The following TRMT5 variants were observed in gnomAD, a reference collection of about 807,000 sequenced individuals.
TRMT5 encodes tRNA methyltransferase 5.
Under a neutral mutation model 42.2 loss-of-function variants are expected in TRMT5, and 31 were observed. The observed-to-expected ratio is 0.73, with a 90% CI of 0.55 to 0.99. TRMT5 has a LOEUF of 0.99. TRMT5 is among the 50% of genes least tolerant of loss of function. The pLI is 0.00. For synonymous variants in TRMT5, 198 were observed against 209.6 expected (o/e 0.94, Z 0.48); for missense variants, 568 against 595.0 (o/e 0.95, Z 0.47).
At position 60,972,787 on chromosome 14, in the gene TRMT5, A is replaced by G. The variant is rs118114625; in HGVS notation, c.*2322T>C. The G allele has an allele frequency of 1.7e-3, 306 of 180,044 alleles. 1 individual carries two copies. The East Asian group carries it at 0.029, about 17-fold the overall frequency. 11.2% of individuals were successfully genotyped at this position (180,044 alleles called of 1,614,324 possible). ...GATTTTACACATTTCATCTTTAAAAATGTCTTCTCATACAGATAGGTATTG... is the reference window on the plus strand; with the variant it reads ...GATTTTACACATTTCATCTTTAAAAGTGTCTTCTCATACAGATAGGTATTG... On this transcript the variant is annotated 3_prime_UTR_variant, in exon 5 of 5. Transcript: ENST00000261249.
Position 60,975,150 on chromosome 14 carries a change from C to T in TRMT5, c.1489G>A (p.Ala497Thr). The change falls in exon 5 of 5, where the codon GCC becomes ACC. Residue 497 changes from alanine to threonine, a missense_variant. Transcript: ENST00000261249. Reference sequence around the variant, plus strand: ...ATTTGTGTTTTTTCGTCTGAAAAGGCTTCAGCCGTCCTCTGCCTTTTAAGA... The same window carrying T: ...ATTTGTGTTTTTTCGTCTGAAAAGGTTTCAGCCGTCCTCTGCCTTTTAAGA... Reference protein sequence around the residue: ...PPLKRQRTAEAFSDEKTQIVS... With the variant: ...PPLKRQRTAETFSDEKTQIVS... 6.2e-7 allele frequency: 1 copy of T among 1,609,218 alleles called. No homozygotes were observed. The highest frequency in any genetic ancestry group is 8.5e-7 in the Non-Finnish European group (1 of 1,178,478).
At chr14:60,981,334 G>A (rs1388335447), upstream of TRMT5, 9 of 1,610,762 alleles carry the variant, frequency 5.6e-6, no homozygotes, top group African/African-American at 1.2e-4. Flanking sequence ...TCTCTGTCCA[G>A]CAGCCTGAAG....
At chr14:60,978,486 T>C (rs2036876483) in intron 2 of TRMT5, among the ~76,000 whole-genome samples, 1 of 152,180 alleles carries the variant, frequency 6.6e-6, no homozygotes, top group African/African-American at 2.4e-5. Context: ...CAGAATTTAG[T>C]TTGAAATGAG....
intron 1 of TRMT5, 22 bp downstream of exon 1, chr14:60,980,941 C>T: frequency 6.2e-7 from 1 of 1,612,566 alleles, no homozygotes; most frequent in Non-Finnish European, 8.5e-7. Flanking sequence ...ACCATTAGCC[C>T]CTAACGCGGC....
chr14:60,981,444 A>C, upstream of TRMT5: 1 of 1,548,262 alleles, frequency 6.5e-7, no homozygotes, highest in South Asian at 1.2e-5. Flanking sequence ...AGTGCCTGCC[A>C]AATAAGACCC....
intron 3 of TRMT5, among the ~76,000 whole-genome samples, chr14:60,976,713 C>G (rs896392382): frequency 6.6e-6 from 1 of 152,104 alleles, no homozygotes; most frequent in Non-Finnish European, 1.5e-5. Flanking sequence ...TAAATTAGAG[C>G]CAGTGTATAG....
At chr14:60,981,518 T>G (rs2037019335), upstream of TRMT5, 1 of 1,533,646 alleles carries the variant, frequency 6.5e-7, no homozygotes, top group South Asian at 1.2e-5. Flanking sequence ...GGATGGGGTC[T>G]GAAGGCAGCC....
At position 60,979,232 on chromosome 14, in the gene TRMT5, A is replaced by C. The variant is rs773836674; in HGVS notation, c.666T>G (p.Ile222Met). ...RDHQLPFKHL[I>M]GQVMIDKNPG... ...TGAATATTACTATGACACACGTACCAATTAAATGTTTGAAAGGCAGCTGAT... is the reference window on the plus strand; with the variant it reads ...TGAATATTACTATGACACACGTACCCATTAAATGTTTGAAAGGCAGCTGAT... Residue 222 changes from isoleucine (I) to methionine (M), a missense_variant and splice_region_variant, in exon 2 of 5, where the codon ATT (isoleucine) becomes ATG (methionine). By Grantham distance (10) the Ile-to-Met change is conservative (BLOSUM62 1). Coordinates refer to ENST00000261249, the MANE Select transcript of TRMT5 (RefSeq NM_020810.3). The C allele has an allele frequency of 3.8e-6, 6 of 1,599,702 alleles. No homozygotes were observed. Among genetic ancestry groups the C allele is most frequent in the Non-Finnish European group, 5.1e-6 (6 of 1,173,026 alleles).
intron 1 of TRMT5, among the ~76,000 whole-genome samples, chr14:60,980,145 A>G (rs1193428955): frequency 6.6e-6 from 1 of 152,204 alleles, no homozygotes; most frequent in Non-Finnish European, 1.5e-5. Flanking sequence ...GCCATACTCA[A>G]TGATCCTCTT....
chr14:60,978,280 C>A (rs1488287661), intron 2 of TRMT5, among the ~76,000 whole-genome samples: 1 of 152,160 alleles, frequency 6.6e-6, no homozygotes, highest in African/African-American at 2.4e-5. Flanking sequence ...TTATAAAAAT[C>A]TATATGCTAT....
chr14:60,973,440 C>A lies in TRMT5; in HGVS notation c.*1669G>T, dbSNP rs944719886. The A allele has an allele frequency of 6.6e-6, 1 of 152,202 alleles. No homozygotes were observed. The highest frequency in any genetic ancestry group is 1.5e-5 in the Non-Finnish European group (1 of 68,106). The allele number at this position is 152,202 out of a possible 1,614,324, so 9.4% of individuals were successfully genotyped here. On this transcript the variant is annotated 3_prime_UTR_variant, in exon 5 of 5. Coordinates refer to ENST00000261249, the MANE Select transcript of TRMT5 (RefSeq NM_020810.3). ...GGGGCGAGTGCCACATACTTTGAAA[C>A]AACAAGATCTCATAACTCATTATCT... is the stretch of plus-strand genomic sequence containing the variant.
intron 3 of TRMT5, among the ~76,000 whole-genome samples, chr14:60,976,840 G>T (rs976653545): frequency 6.6e-6 from 1 of 152,026 alleles, no homozygotes; most frequent in Non-Finnish European, 1.5e-5. Flanking sequence ...TGGGTCTATT[G>T]TAGTAGACAC....
rs1033123439 is a variant in TRMT5 at position 60,979,549 on chromosome 14, C to T, written c.349G>A (p.Ala117Thr). Reference sequence around the variant, plus strand: ...CGTCTTATGCCTGGGCGCTGCAATGCTGCCCTTTTTAGGGATCGCATCAAT... The same window carrying T: ...CGTCTTATGCCTGGGCGCTGCAATGTTGCCCTTTTTAGGGATCGCATCAAT... ...SKLMRSLKRA[A>T]LQRPGIRRVI... Residue 117 changes from alanine to threonine, a missense_variant, in exon 2 of 5, where the codon GCA (alanine) becomes ACA (threonine). Ala to Thr is a moderately conservative substitution (Grantham distance 58, BLOSUM62 0). Coordinates refer to ENST00000261249, the MANE Select transcript of TRMT5 (RefSeq NM_020810.3). 5.0e-6 allele frequency: 8 copies of T among 1,614,020 alleles called. No individual in the cohort carries two copies. The Admixed American group carries it at 5.0e-5, about 10-fold the overall frequency.
intron 2 of TRMT5, 101 bp downstream of exon 2, chr14:60,979,130 C>A (rs1335557391): frequency 2.9e-6 from 3 of 1,019,682 alleles, no homozygotes; most frequent in East Asian, 5.2e-5. Flanking sequence ...ATAAAATGTT[C>A]TGCCTCTGTA....
In TRMT5 at chr14:60,981,057, G is replaced by C. The variant is rs779712802; in HGVS notation, c.-84C>G. On this transcript the variant is annotated 5_prime_UTR_variant, in exon 1 of 5. Coordinates refer to ENST00000261249, the MANE Select transcript of TRMT5 (RefSeq NM_020810.3). ...CCGGTACCGATCGGATGTGGGTCGCGGGTGGATGGGCGGGTCTTCTATGAC... is the reference window on the plus strand; with the variant it reads ...CCGGTACCGATCGGATGTGGGTCGCCGGTGGATGGGCGGGTCTTCTATGAC... The C allele has an allele frequency of 2.5e-6, 4 of 1,607,716 alleles. No individual in the cohort carries two copies. Among genetic ancestry groups the C allele is most frequent in the African/African-American group, 1.3e-5 (1 of 75,024 alleles).
upstream of TRMT5, chr14:60,981,316 C>T: frequency 6.2e-7 from 1 of 1,610,660 alleles, no homozygotes; most frequent in Non-Finnish European, 8.5e-7. Context: ...CTGAGCGGGG[C>T]TGGTATGTCT....
chr14:60,977,768 T>A (rs184581288), intron 2 of TRMT5, 130 bp from the exon 3 acceptor site: 3 of 801,260 alleles, frequency 3.7e-6, no homozygotes. Context: ...GTGTGTAATG[T>A]GGCATGCAAT....
At position 60,975,135 on chromosome 14, in the gene TRMT5, T is replaced by C; in HGVS notation, c.1504A>G (p.Lys502Glu). 6.2e-7 allele frequency: 1 copy of C among 1,610,598 alleles called. No individual in the cohort carries two copies. The highest frequency in any genetic ancestry group is 8.5e-7 in the Non-Finnish European group (1 of 1,178,826). Residue 502 changes from lysine (K) to glutamate (E), a missense_variant, in exon 5 of 5, where the codon AAA becomes GAA. Lys to Glu is a moderately conservative substitution (Grantham distance 56, BLOSUM62 1). Transcript: ENST00000261249. ...QRTAEAFSDE[K>E]TQIVSNT ...TAAGTGTTTGAAACAATTTGTGTTT[T>C]TTCGTCTGAAAAGGCTTCAGCCGTC...
At position 60,981,035 on chromosome 14, in the gene TRMT5, G is replaced by A. The variant is rs770450952; in HGVS notation, c.-62C>T. ...AGCCGACCCCTCACCTCCCGCTCCG[G>A]TACCGATCGGATGTGGGTCGCGGGT... On this transcript the variant is annotated 5_prime_UTR_variant, in exon 1 of 5. Transcript: ENST00000261249. 4 of 1,610,110 alleles carry A rather than the reference G, an allele frequency of 2.5e-6. No homozygotes were observed. The highest frequency in any genetic ancestry group is 3.4e-6 in the Non-Finnish European group (4 of 1,180,002).
Sources: gnomAD v4.1 joint callset for allele counts (sites outside exome capture counted in the v4.1 genomes callset) on GRCh38, gnomAD v4.1.1 for gene constraint, MANE v1.5 for transcripts, NCBI Gene and HGNC (gene_info 2026-07-23, HGNC 2026-07-21) for gene names.